The following FRMD4A variants were observed in gnomAD, a reference collection of about 807,000 sequenced individuals.
The protein encoded by FRMD4A is FERM domain containing 4A.
FRMD4A carries 29 observed loss-of-function variants against 129.1 expected under a neutral mutation model. The observed-to-expected ratio is 0.22, with a 90% CI of 0.17 to 0.31. The LOEUF (loss-of-function observed/expected upper bound fraction) is 0.31. Ranked by LOEUF, FRMD4A falls within the 10% of genes least tolerant of loss-of-function variation. The pLI is 1.00. For missense variants in FRMD4A, 1,272 were observed against 1,375.8 expected (o/e 0.92, Z 1.19); for synonymous variants, 634 against 571.6 (o/e 1.11, Z -1.56).
chr10:14,276,588 C>T (rs984862966), intron 2 of FRMD4A, among the ~76,000 whole-genome samples: 5 of 152,208 alleles, frequency 3.3e-5, no homozygotes, highest in African/African-American at 7.2e-5. Flanking sequence ...CTCTGGCTTC[C>T]GTTCCTGCCC....
chr10:14,119,146 C>A (rs1043145640), intron 2 of FRMD4A, among the ~76,000 whole-genome samples: 2 of 152,112 alleles, frequency 1.3e-5, no homozygotes, highest in African/African-American at 4.8e-5. Context: ...GCCAAGTGAG[C>A]CCTCAATGCA....
At chr10:14,265,442 T>A (rs1254304468) in intron 2 of FRMD4A, among the ~76,000 whole-genome samples, 1 of 152,236 alleles carries the variant, frequency 6.6e-6, no homozygotes, top group Non-Finnish European at 1.5e-5. Flanking sequence ...GACACCTTTG[T>A]ATTTATGTGA....
intron 2 of FRMD4A, among the ~76,000 whole-genome samples, chr10:14,000,047 C>T (rs1214529758): frequency 1.3e-5 from 2 of 152,234 alleles, no homozygotes; most frequent in African/African-American, 2.4e-5. Flanking sequence ...AAAAACTGAC[C>T]AAGTCCTTTG....
chr10:14,262,107 A>T (rs1438080869), intron 2 of FRMD4A, among the ~76,000 whole-genome samples: 1 of 152,114 alleles, frequency 6.6e-6, no homozygotes, highest in Non-Finnish European at 1.5e-5. Flanking sequence ...GCAATCTTTG[A>T]TTGATAAATG....
chr10:13,699,153 T>G (rs1240875498), intron 14 of FRMD4A, among the ~76,000 whole-genome samples: 1 of 150,644 alleles, frequency 6.6e-6, no homozygotes, highest in Non-Finnish European at 1.5e-5. Context: ...CCTCCTGGGT[T>G]CAAGCAATTC....
At chr10:13,889,491 G>A (rs1338747556) in intron 2 of FRMD4A, among the ~76,000 whole-genome samples, 3 of 152,078 alleles carry the variant, frequency 2.0e-5, no homozygotes, top group African/African-American at 7.2e-5. Context: ...AACCTCAAGG[G>A]GTCTCAGTTT....
intron 16 of FRMD4A, among the ~76,000 whole-genome samples, chr10:13,670,982 C>T (rs1046745651): frequency 2.6e-5 from 4 of 152,146 alleles, no homozygotes. Flanking sequence ...GCTCAAATAT[C>T]TAAGTTTAAA....
intron 2 of FRMD4A, among the ~76,000 whole-genome samples, chr10:14,153,406 A>C (rs1253957015): frequency 6.6e-6 from 1 of 152,200 alleles, no homozygotes; most frequent in Admixed American, 6.5e-5. Context: ...TACTCACAGC[A>C]GACATTATTA....
intron 2 of FRMD4A, among the ~76,000 whole-genome samples, chr10:14,185,491 T>C (rs1434615138): frequency 6.6e-5 from 10 of 152,222 alleles, no homozygotes; most frequent in Admixed American, 1.3e-4. Context: ...TTTGTAATTT[T>C]TCTAACTTCA....
chr10:13,923,978 C>A (rs2095101923), intron 2 of FRMD4A, among the ~76,000 whole-genome samples: 1 of 152,208 alleles, frequency 6.6e-6, no homozygotes, highest in Non-Finnish European at 1.5e-5. Flanking sequence ...ATGTCAATGA[C>A]AAACCATGTG....
At chr10:14,061,672 G>C (rs1374923999) in intron 2 of FRMD4A, among the ~76,000 whole-genome samples, 1 of 152,026 alleles carries the variant, frequency 6.6e-6, no homozygotes, top group African/African-American at 2.4e-5. Flanking sequence ...TGAAACAAGG[G>C]GGATTGGCAG....
intron 2 of FRMD4A, among the ~76,000 whole-genome samples, chr10:14,029,940 G>A (rs1833158698): frequency 1.3e-5 from 2 of 152,080 alleles, no homozygotes; most frequent in African/African-American, 4.8e-5. Context: ...ACCATTTATT[G>A]AAGAGATTGT....
chr10:13,824,121 C>A (rs1222141893), intron 3 of FRMD4A, among the ~76,000 whole-genome samples: 1 of 151,918 alleles, frequency 6.6e-6, no homozygotes, highest in Non-Finnish European at 1.5e-5. Context: ...TACAGTCAAC[C>A]CTGCATATCC....
chr10:13,839,362 C>T (rs542399949), intron 3 of FRMD4A, among the ~76,000 whole-genome samples: 1 of 152,234 alleles, frequency 6.6e-6, no homozygotes, highest in Admixed American at 6.5e-5. Context: ...AATTATCCAC[C>T]TGAACAGGAG....
chr10:13,800,531 TGA>T (rs139515898), intron 4 of FRMD4A, among the ~76,000 whole-genome samples: 7 of 151,312 alleles, frequency 4.6e-5, no homozygotes, highest in African/African-American at 9.7e-5. Flanking sequence ...AAGGAGGACC[TGA>T]GAGAGAGAGA....
rs191373427 is a variant in FRMD4A at position 14,271,589 on chromosome 10, C to T, written c.45+58469G>A. On this transcript the variant is annotated intron_variant, in intron 2 of 24. Transcript: ENST00000357447. The stretch of plus-strand genomic sequence containing the variant: ...ATTTTTCTTTTTCTCATCAATGTTA[C>T]AAAGAAATGCTGTTGAGTGGAAAGT... 3.3e-4 allele frequency among the ~76,000 whole-genome samples: 51 copies of T among 152,360 alleles called. No homozygotes were observed. The East Asian group carries it at 9.2e-3, about 28-fold the overall frequency.
chr10:13,761,769 A>T (rs1032436727), intron 7 of FRMD4A, 100 bp from the exon 8 acceptor site: 1 of 787,266 alleles, frequency 1.3e-6, no homozygotes. Context: ...ACTGAATGAG[A>T]TGAGTTCAGC....
At chr10:13,960,121 C>A (rs1165841971) in intron 2 of FRMD4A, among the ~76,000 whole-genome samples, 1 of 152,190 alleles carries the variant, frequency 6.6e-6, no homozygotes, top group Non-Finnish European at 1.5e-5. Flanking sequence ...CTGTGAACTT[C>A]ACTCTGCTGT....
chr10:13,716,261 C>T (rs115173354), intron 12 of FRMD4A, among the ~76,000 whole-genome samples: 1,613 of 152,264 alleles, frequency 0.011, 29 homozygotes, highest in African/African-American at 0.035. Context: ...TCAGTTTTGA[C>T]CATTTTCCTG....
Sources: allele counts gnomAD v4.1 joint callset (sites outside exome capture counted in the v4.1 genomes callset), GRCh38; gene constraint gnomAD v4.1.1; transcripts MANE v1.5; gene names NCBI Gene and HGNC (gene_info 2026-07-23, HGNC 2026-07-21).